The following TMEM108 variants were observed in gnomAD, a reference collection of about 807,000 sequenced individuals.
The protein encoded by TMEM108 is transmembrane protein 108, also known as cancer/testis antigen 124.
TMEM108 carries 12 observed loss-of-function variants against 35.1 expected under a neutral mutation model. That is an observed-to-expected ratio of 0.34 (90% CI 0.22 to 0.55). The LOEUF is 0.55. Ranked by LOEUF, TMEM108 falls within the 20% of genes least tolerant of loss-of-function variation. The probability of loss-of-function intolerance (pLI) is 0.89; values close to 1 mark genes in which losing one functional copy is unlikely to be tolerated. For missense variants in TMEM108, 680 were observed against 753.3 expected (o/e 0.90, Z 1.14); for synonymous variants, 287 against 308.6 (o/e 0.93, Z 0.73).
intron 2 of TMEM108, among the ~76,000 whole-genome samples, chr3:133,071,127 C>T (rs1879491): frequency 0.64 from 97,173 of 152,024 alleles, 31,764 homozygotes; most frequent in African/African-American, 0.78. Context: ...TAAGTTGCAA[C>T]ATAGGCTATA....
At chr3:133,276,929 A>G (rs568740706) in intron 3 of TMEM108, among the ~76,000 whole-genome samples, 25 of 152,280 alleles carry the variant, frequency 1.6e-4, no homozygotes, top group Non-Finnish European at 3.2e-4. Context: ...TTGACAGACT[A>G]TGGAGAGGAT....
At chr3:133,089,552 A>G (rs1943924194) in intron 2 of TMEM108, among the ~76,000 whole-genome samples, 1 of 152,156 alleles carries the variant, frequency 6.6e-6, no homozygotes, top group African/African-American at 2.4e-5. Flanking sequence ...AGTGACACCA[A>G]TTATAGGTTG....
chr3:133,361,837 T>C (rs758817742), intron 3 of TMEM108, among the ~76,000 whole-genome samples: 2 of 152,168 alleles, frequency 1.3e-5, no homozygotes, highest in Non-Finnish European at 2.9e-5. Flanking sequence ...GAGGAGGGAA[T>C]GCAGACACCA....
chr3:133,205,922 C>G (rs1260914571), intron 2 of TMEM108, among the ~76,000 whole-genome samples: 2 of 152,222 alleles, frequency 1.3e-5, no homozygotes, highest in Admixed American at 1.3e-4. Context: ...CTCCCCGTCA[C>G]TTTCAGGTAC....
At chr3:133,329,947 G>A (rs1175401233) in intron 3 of TMEM108, among the ~76,000 whole-genome samples, 1 of 152,258 alleles carries the variant, frequency 6.6e-6, no homozygotes, top group East Asian at 1.9e-4. Context: ...TCTTGGTGCT[G>A]GGAAAGATGC....
chr3:133,274,575 C>T (rs1223704088), intron 3 of TMEM108, among the ~76,000 whole-genome samples: 1 of 152,160 alleles, frequency 6.6e-6, no homozygotes, highest in Non-Finnish European at 1.5e-5. Flanking sequence ...GTGTTTCATT[C>T]TTTTTCCCTT....
At chr3:133,057,849 TTTC>T (rs1166035305) in intron 2 of TMEM108, among the ~76,000 whole-genome samples, 2 of 152,286 alleles carry the variant, frequency 1.3e-5, no homozygotes, top group African/African-American at 4.8e-5. Context: ...GCTTCTGACT[TTTC>T]TTCTGCATGA....
chr3:133,234,791 G>C (rs1444818527), intron 3 of TMEM108, among the ~76,000 whole-genome samples: 1 of 152,084 alleles, frequency 6.6e-6, no homozygotes, highest in Non-Finnish European at 1.5e-5. Flanking sequence ...TATTCAATTA[G>C]GAAAAGAGGA....
chr3:133,326,432 C>T (rs1039421692), intron 3 of TMEM108, among the ~76,000 whole-genome samples: 1 of 152,178 alleles, frequency 6.6e-6, no homozygotes, highest in South Asian at 2.1e-4. Flanking sequence ...TTATAACAAC[C>T]TTCACCGGGA....
At chr3:133,043,055 T>G (rs1159371165) in intron 1 of TMEM108, among the ~76,000 whole-genome samples, 1 of 152,234 alleles carries the variant, frequency 6.6e-6, no homozygotes, top group Non-Finnish European at 1.5e-5. Flanking sequence ...ACTGCGCATC[T>G]TTAGGCTTTA....
At position 133,379,736 on chromosome 3, in the gene TMEM108, C is replaced by T. The variant is rs769108977; in HGVS notation, c.41-16C>T. 2.5e-6 allele frequency: 4 copies of T among 1,609,000 alleles called. No homozygotes were observed. Among genetic ancestry groups the T allele is most frequent in the Non-Finnish European group, 3.4e-6 (4 of 1,177,178 alleles). On this transcript the variant is annotated splice_polypyrimidine_tract_variant and intron_variant, in intron 3 of 5. Coordinates refer to ENST00000321871, the MANE Select transcript of TMEM108 (RefSeq NM_023943.4). The stretch of plus-strand genomic sequence containing the variant: ...TCCCCAAGTATTTTACCTCTTCTCT[C>T]TGTCTCCTTTTCAAGGTTTCCTGCT...
intron 3 of TMEM108, among the ~76,000 whole-genome samples, chr3:133,311,929 T>C (rs1576449119): frequency 1.3e-5 from 2 of 152,250 alleles, no homozygotes; most frequent in African/African-American, 4.8e-5. Context: ...GTTGGTGCTA[T>C]TCCTTTCTGT....
chr3:133,188,664 C>T (rs1222848254), intron 2 of TMEM108, among the ~76,000 whole-genome samples: 6 of 152,130 alleles, frequency 3.9e-5, no homozygotes, highest in Non-Finnish European at 4.4e-5. Flanking sequence ...GCTAAGCTCA[C>T]AGGAGAAACC....
At chr3:133,260,190 C>T (rs1388735275) in intron 3 of TMEM108, among the ~76,000 whole-genome samples, 1 of 151,928 alleles carries the variant, frequency 6.6e-6, no homozygotes, top group Admixed American at 6.6e-5. Context: ...TATTGGATAC[C>T]TACTGTGTGC....
At position 133,386,415 on chromosome 3, in the gene TMEM108, A is replaced by T. The variant is rs752393492; in HGVS notation, c.1451-3765A>T. ...CTGCAGGGTTTCATTTCCATTTCTC[A>T]TCACACAGCAGATCCTATCACCTGA... is the stretch of plus-strand genomic sequence containing the variant. On this transcript the variant is annotated intron_variant, in intron 4 of 5. Coordinates refer to ENST00000321871, the MANE Select transcript of TMEM108 (RefSeq NM_023943.4). 6.5e-6 allele frequency: 10 copies of T among 1,535,856 alleles called. No homozygotes were observed. In the South Asian group the frequency reaches 8.3e-5, roughly 13 times the overall value.
chr3:133,346,877 G>A lies in TMEM108; in HGVS notation c.41-32875G>A, dbSNP rs2071833479. On this transcript the variant is annotated intron_variant, in intron 3 of 5. Coordinates refer to ENST00000321871, the MANE Select transcript of TMEM108 (RefSeq NM_023943.4). This position sits in a 1 kb window ranked among gnomAD's most constrained non-coding sequence, Gnocchi z 4.0. ...TGCATGTGGATGTCCAGTTGTCCTG[G>A]CACCGTTTATTGAACAAACAGTCCT... 6.6e-6 allele frequency among the ~76,000 whole-genome samples: 1 copy of A among 151,992 alleles called. No homozygotes were observed. The highest frequency in any genetic ancestry group is 1.5e-5 in the Non-Finnish European group (1 of 67,940).
rs150241331 is a variant in TMEM108, at chr3:133,315,774, A to G, written c.41-63978A>G. Among the ~76,000 whole-genome samples the G allele has an allele frequency of 5.1e-4, 78 of 152,382 alleles. No homozygotes were observed. In the East Asian group the frequency reaches 0.012, roughly 23 times the overall value. ...TCTTTGGGGAATGAAAACTAAATTT[A>G]ACCCAACTTTGGCAATGGACAACCC... On this transcript the variant is annotated intron_variant, in intron 3 of 5. Transcript: ENST00000321871.
chr3:133,111,883 AC>A (rs963996552), intron 2 of TMEM108, among the ~76,000 whole-genome samples: 4 of 152,118 alleles, frequency 2.6e-5, no homozygotes, highest in African/African-American at 9.7e-5. Context: ...CCCTGCTTCC[AC>A]CCAGTAACTT....
chr3:133,116,933 C>G (rs1456183419), intron 2 of TMEM108, among the ~76,000 whole-genome samples: 1 of 152,112 alleles, frequency 6.6e-6, no homozygotes, highest in Non-Finnish European at 1.5e-5. Flanking sequence ...CCACACCTGG[C>G]TAATTTTTGT....
Sources: allele counts gnomAD v4.1 joint callset (sites outside exome capture counted in the v4.1 genomes callset), GRCh38; gene constraint gnomAD v4.1.1; non-coding constraint Gnocchi (gnomAD v3.1); transcripts MANE v1.5; gene names NCBI Gene and HGNC (gene_info 2026-07-23, HGNC 2026-07-21).